The following UNC5C variants were observed in gnomAD, a reference collection of about 807,000 sequenced individuals.
The protein encoded by UNC5C is unc-5 netrin receptor C, also known as netrin receptor UNC5C.
UNC5C carries 47 observed loss-of-function variants against 99.8 expected under a neutral mutation model. That is an observed-to-expected ratio of 0.47 (90% CI 0.37 to 0.60). UNC5C has a LOEUF of 0.60. Ranked by LOEUF, UNC5C falls within the 20% of genes least tolerant of loss-of-function variation. The pLI is 0.00. For missense variants in UNC5C, 1,062 were observed against 1,165.9 expected (o/e 0.91, Z 1.30); for synonymous variants, 487 against 452.2 (o/e 1.08, Z -0.98).
intron 1 of UNC5C, among the ~76,000 whole-genome samples, chr4:95,521,085 C>A (rs577740953): frequency 6.6e-6 from 1 of 152,020 alleles, no homozygotes; most frequent in African/African-American, 2.4e-5. Flanking sequence ...TTCTGGAGAC[C>A]GAGACCAGGA....
intron 1 of UNC5C, among the ~76,000 whole-genome samples, chr4:95,385,830 T>C (rs151117271): frequency 6.6e-6 from 1 of 152,220 alleles, no homozygotes; most frequent in Non-Finnish European, 1.5e-5. Flanking sequence ...AATTCTAATA[T>C]ATCCAGAATT....
intron 1 of UNC5C, among the ~76,000 whole-genome samples, chr4:95,412,730 C>A (rs953579385): frequency 1.1e-4 from 16 of 152,132 alleles, no homozygotes; most frequent in African/African-American, 3.9e-4. Flanking sequence ...TGTAAATATT[C>A]TTGTGAGAGT....
chr4:95,390,888 C>T (rs1745337623), intron 1 of UNC5C, among the ~76,000 whole-genome samples: 1 of 152,086 alleles, frequency 6.6e-6, no homozygotes, highest in East Asian at 1.9e-4. Context: ...CACCACCATG[C>T]CCAGTGAGAT....
At chr4:95,251,894 A>G (rs1198664224) in intron 4 of UNC5C, among the ~76,000 whole-genome samples, 1 of 152,212 alleles carries the variant, frequency 6.6e-6, no homozygotes. Flanking sequence ...ATAAAAATCA[A>G]CAACAATCCT....
chr4:95,483,507 T>A (rs1445767755), intron 1 of UNC5C, among the ~76,000 whole-genome samples: 1 of 151,874 alleles, frequency 6.6e-6, no homozygotes, highest in Non-Finnish European at 1.5e-5. Flanking sequence ...AATGGCATTC[T>A]GATAAGCTTT....
chr4:95,277,814 T>A (rs1740915976), intron 4 of UNC5C, among the ~76,000 whole-genome samples: 1 of 152,198 alleles, frequency 6.6e-6, no homozygotes, highest in South Asian at 2.1e-4. Context: ...GGCTTTTAGG[T>A]ATGTCTATGA....
chr4:95,482,387 A>T (rs967318301), intron 1 of UNC5C, among the ~76,000 whole-genome samples: 160 of 151,658 alleles, frequency 1.1e-3, no homozygotes, highest in Non-Finnish European at 1.9e-3. Context: ...ATGGAGAAAT[A>T]GGAACACTTT....
intron 2 of UNC5C, among the ~76,000 whole-genome samples, chr4:95,310,558 AT>A (rs1274624528): frequency 3.3e-5 from 5 of 151,894 alleles, no homozygotes; most frequent in African/African-American, 1.2e-4. Flanking sequence ...AATATACACA[AT>A]TCTGTTAATA....
intron 14 of UNC5C, among the ~76,000 whole-genome samples, chr4:95,175,521 A>G (rs1453217699): frequency 1.3e-5 from 2 of 151,994 alleles, no homozygotes; most frequent in African/African-American, 4.8e-5. Flanking sequence ...TTGGCTGGAT[A>G]TGAAATTCTG....
At chr4:95,425,166 A>G (rs557305218) in intron 1 of UNC5C, among the ~76,000 whole-genome samples, 11 of 152,282 alleles carry the variant, frequency 7.2e-5, no homozygotes, top group African/African-American at 2.6e-4. Flanking sequence ...AGATCACCAA[A>G]TACAGGATCC....
At chr4:95,327,917 A>C (rs1394879380) in intron 2 of UNC5C, among the ~76,000 whole-genome samples, 2 of 151,642 alleles carry the variant, frequency 1.3e-5, no homozygotes, top group African/African-American at 2.4e-5. Flanking sequence ...GAACCCAAAA[A>C]GGCTGTCACA....
intron 12 of UNC5C, among the ~76,000 whole-genome samples, chr4:95,193,944 C>G (rs1737267811): frequency 6.6e-6 from 1 of 151,714 alleles, no homozygotes; most frequent in Non-Finnish European, 1.5e-5. Context: ...CGCCAGGGTG[C>G]TCTGCTCTCC....
chr4:95,411,867 G>C (rs112344211), intron 1 of UNC5C, among the ~76,000 whole-genome samples: 1 of 152,114 alleles, frequency 6.6e-6, no homozygotes, highest in South Asian at 2.1e-4. Flanking sequence ...CACTGCTACT[G>C]TCTTCGTTAA....
intron 1 of UNC5C, among the ~76,000 whole-genome samples, chr4:95,482,708 A>G (rs1166147875): frequency 8.1e-6 from 1 of 123,878 alleles, no homozygotes; most frequent in Non-Finnish European, 1.7e-5. Context: ...TGTCCTTTGT[A>G]GGGACATGGA....
At chr4:95,476,831 C>A (rs28680186) in intron 1 of UNC5C, among the ~76,000 whole-genome samples, 13,317 of 151,870 alleles carry the variant, frequency 0.088, 627 homozygotes, top group East Asian at 0.21. Flanking sequence ...GATAAGAAAA[C>A]CAAGGCTAGC....
At chr4:95,369,623 A>G (rs967313550) in intron 1 of UNC5C, among the ~76,000 whole-genome samples, 1 of 152,184 alleles carries the variant, frequency 6.6e-6, no homozygotes, top group African/African-American at 2.4e-5. Flanking sequence ...AACTGCATCC[A>G]GTAGCAGTTT....
At chr4:95,390,432 A>T (rs1745324261) in intron 1 of UNC5C, among the ~76,000 whole-genome samples, 1 of 151,380 alleles carries the variant, frequency 6.6e-6, no homozygotes. Flanking sequence ...TAATGATCCC[A>T]ATGGTGTTCT....
At chr4:95,266,032 C>T (rs1463211989) in intron 4 of UNC5C, among the ~76,000 whole-genome samples, 1 of 152,168 alleles carries the variant, frequency 6.6e-6, no homozygotes, top group Non-Finnish European at 1.5e-5. Flanking sequence ...GATTCAGTGC[C>T]TCTTAGTGTC....
chr4:95,334,501 G>C (rs575536827), intron 2 of UNC5C, among the ~76,000 whole-genome samples: 113 of 151,988 alleles, frequency 7.4e-4, no homozygotes, highest in Non-Finnish European at 1.4e-3. Flanking sequence ...GTCTGGAAGA[G>C]ATCTGAAAGT....
Sources: gnomAD v4.1 joint callset for allele counts (sites outside exome capture counted in the v4.1 genomes callset) on GRCh38, gnomAD v4.1.1 for gene constraint, MANE v1.5 for transcripts, NCBI Gene and HGNC (gene_info 2026-07-23, HGNC 2026-07-21) for gene names.